Variants in TENM3 observed in about 807,000 individuals in gnomAD.
TENM3 encodes the protein teneurin transmembrane protein 3, also known as teneurin-3.
In TENM3, 63 loss-of-function variants were observed where a neutral mutation model predicts 255.1. The ratio of observed to expected loss-of-function variants is 0.25; its 90% CI spans 0.20 to 0.30. The LOEUF (loss-of-function observed/expected upper bound fraction) is 0.30. TENM3 is among the 10% of genes least tolerant of loss of function. The pLI, the probability that TENM3 is intolerant of heterozygous loss-of-function variation, is 1.00. For missense variants in TENM3, 2,929 were observed against 3,461.1 expected, an observed-to-expected ratio of 0.85 and a Z score of 3.86; for synonymous variants, 1,306 against 1,322.3, an observed-to-expected ratio of 0.99 and a Z score of 0.27.
intron 1 of TENM3, among the ~76,000 whole-genome samples, chr4:182,221,636 T>C (rs1371767864): frequency 6.6e-6 from 1 of 152,208 alleles, no homozygotes; most frequent in African/African-American, 2.4e-5. Flanking sequence ...GAAATCACGA[T>C]CCTTTATGTA....
At chr4:181,552,163 G>C in the TENM3 span, among the ~76,000 whole-genome samples, 3 of 151,902 alleles carry the variant, frequency 2.0e-5, no homozygotes, top group Non-Finnish European at 4.4e-5. Flanking sequence ...AGTAAATATG[G>C]GAGAAAATAA....
At chr4:181,728,477 C>A in the TENM3 span, among the ~76,000 whole-genome samples, 1 of 152,132 alleles carries the variant, frequency 6.6e-6, no homozygotes, top group African/African-American at 2.4e-5. Context: ...GATGGAGATT[C>A]CCTGGAACTG....
intron 3 of TENM3, among the ~76,000 whole-genome samples, chr4:182,540,248 TAGAAA>T: frequency 6.6e-6 from 1 of 152,292 alleles, no homozygotes; most frequent in South Asian, 2.1e-4. Context: ...AGATGTTGTA[TAGAAA>T]AACAAGAAAT....
At chr4:182,405,072 T>C (rs1769467843) in intron 3 of TENM3, among the ~76,000 whole-genome samples, 1 of 152,160 alleles carries the variant, frequency 6.6e-6, no homozygotes, top group African/African-American at 2.4e-5. Context: ...TTTGGTTAAG[T>C]GTATGAGAAA....
At chr4:182,149,457 C>G (rs564300725) in intron 1 of TENM3, among the ~76,000 whole-genome samples, 2 of 152,096 alleles carry the variant, frequency 1.3e-5, no homozygotes, top group South Asian at 4.1e-4. Flanking sequence ...GTGATCTACT[C>G]AAACCCATGT....
chr4:182,278,260 G>A (rs372491834), intron 1 of TENM3, among the ~76,000 whole-genome samples: 2 of 152,072 alleles, frequency 1.3e-5, no homozygotes, highest in Admixed American at 1.3e-4. Context: ...CCAGCTACTC[G>A]GGAGGCTGAG....
chr4:182,160,291 C>T (rs1041502093), intron 1 of TENM3, among the ~76,000 whole-genome samples: 3 of 152,010 alleles, frequency 2.0e-5, no homozygotes, highest in African/African-American at 4.8e-5. Context: ...CGTGAGCCAC[C>T]GCGCCCGCCT....
intron 3 of TENM3, among the ~76,000 whole-genome samples, chr4:182,386,199 GTCTGA>G (rs1023485302): frequency 6.6e-6 from 1 of 152,202 alleles, no homozygotes; most frequent in Non-Finnish European, 1.5e-5. Flanking sequence ...ACATAGCCCA[GTCTGA>G]TTTGGAACCC....
At chr4:182,287,897 G>C (rs1021518416) in intron 1 of TENM3, among the ~76,000 whole-genome samples, 2 of 151,352 alleles carry the variant, frequency 1.3e-5, no homozygotes, top group Non-Finnish European at 2.9e-5. Context: ...GATTACAGGC[G>C]TGAGGTACCG....
At chr4:181,452,130 G>C in the TENM3 span, among the ~76,000 whole-genome samples, 1 of 152,066 alleles carries the variant, frequency 6.6e-6, no homozygotes, top group Non-Finnish European at 1.5e-5. Context: ...TAACATCATT[G>C]GTAGCCATTG....
chr4:182,436,188 G>T (rs1307130788), intron 3 of TENM3, among the ~76,000 whole-genome samples: 1 of 152,118 alleles, frequency 6.6e-6, no homozygotes, highest in African/African-American at 2.4e-5. Context: ...TTTGCTTAAG[G>T]GAGTATGGGG....
chr4:182,324,827 C>G (rs140886571), intron 2 of TENM3, among the ~76,000 whole-genome samples: 2 of 152,316 alleles, frequency 1.3e-5, no homozygotes, highest in East Asian at 1.9e-4. Flanking sequence ...CTTAACACTT[C>G]CTAGTTTCCC....
At chr4:182,158,041 C>G (rs868384249) in intron 1 of TENM3, among the ~76,000 whole-genome samples, 1 of 152,064 alleles carries the variant, frequency 6.6e-6, no homozygotes, top group East Asian at 1.9e-4. Context: ...AACAACAGAG[C>G]AAGTTTGATG....
intron 12 of TENM3, among the ~76,000 whole-genome samples, chr4:182,697,147 T>C (rs1757490935): frequency 6.6e-6 from 1 of 152,222 alleles, no homozygotes; most frequent in Admixed American, 6.5e-5. Context: ...GTCGTTGGAC[T>C]GAAATTCATA....
At chr4:182,080,533 A>T in the TENM3 span, among the ~76,000 whole-genome samples, 2 of 152,322 alleles carry the variant, frequency 1.3e-5, no homozygotes, top group Non-Finnish European at 2.9e-5. Flanking sequence ...AATATTGTTT[A>T]AATTGTTCAG....
the TENM3 span, among the ~76,000 whole-genome samples, chr4:181,581,639 TC>T: frequency 1.3e-5 from 2 of 152,114 alleles, no homozygotes; most frequent in African/African-American, 4.8e-5. Flanking sequence ...CATTGGCTCC[TC>T]AGTAGAACCT....
At chr4:181,528,425 A>C in the TENM3 span, among the ~76,000 whole-genome samples, 1 of 152,202 alleles carries the variant, frequency 6.6e-6, no homozygotes, top group East Asian at 1.9e-4. Flanking sequence ...ACAAAATTGA[A>C]GAGATTTAGA....
chr4:182,112,541 C>T, the TENM3 span, among the ~76,000 whole-genome samples: 5 of 152,314 alleles, frequency 3.3e-5, no homozygotes, highest in African/African-American at 7.2e-5. Flanking sequence ...CATCCCTCAG[C>T]ACAATAGGTG....
At chr4:182,508,349 T>A (rs1412816728) in intron 3 of TENM3, among the ~76,000 whole-genome samples, 1 of 152,228 alleles carries the variant, frequency 6.6e-6, no homozygotes, top group Non-Finnish European at 1.5e-5. Flanking sequence ...TGCTCCGCTG[T>A]GATTATGGTT....
Sources: allele counts gnomAD v4.1 joint callset (sites outside exome capture counted in the v4.1 genomes callset), GRCh38; gene constraint gnomAD v4.1.1; transcripts MANE v1.5; gene names NCBI Gene and HGNC (gene_info 2026-07-23, HGNC 2026-07-21).